SMTN: variants seen among roughly 807,000 people sequenced by gnomAD.
SMTN encodes the protein smoothelin.
A neutral mutation model predicts 102.0 loss-of-function variants in SMTN; 58 were observed. The observed-to-expected ratio is 0.57, with a 90% confidence interval of 0.46 to 0.71. The LOEUF (loss-of-function observed/expected upper bound fraction) is 0.71, where lower values mean the gene tolerates loss of function less well. Ranked by LOEUF, SMTN falls within the 30% of genes least tolerant of loss-of-function variation. SMTN has a pLI of 0.00. For synonymous variants in SMTN, 478 were observed against 497.9 expected, an observed-to-expected ratio of 0.96 and a Z score of 0.53; for missense variants, 1,185 against 1,241.7, an observed-to-expected ratio of 0.95 and a Z score of 0.69.
upstream of SMTN, among the ~76,000 whole-genome samples, chr22:31,077,693 C>T (rs1401604959): frequency 6.6e-6 from 1 of 152,192 alleles, no homozygotes; most frequent in Non-Finnish European, 1.5e-5. Flanking sequence ...CCCCTTGCCT[C>T]TCCTTTGTCT....
At chr22:31,093,865 A>G (rs1187896412) in intron 11 of SMTN, 2 of 1,574,564 alleles carry the variant, frequency 1.3e-6, no homozygotes, top group Non-Finnish European at 1.7e-6. Flanking sequence ...CACCACCCGC[A>G]GCACTAGTCT....
intron 19 of SMTN, among the ~76,000 whole-genome samples, chr22:31,100,121 G>T (rs2043954132): frequency 6.6e-6 from 1 of 150,750 alleles, no homozygotes; most frequent in Admixed American, 6.6e-5. Context: ...CGGCCTACCA[G>T]CCCGGGCCAA....
chr22:31,090,351 GC>G (rs1215415036), intron 8 of SMTN, among the ~76,000 whole-genome samples, 171 bp downstream of exon 8: 1 of 115,110 alleles, frequency 8.7e-6, no homozygotes, highest in East Asian at 2.7e-4. Flanking sequence ...AGCTAGGCCA[GC>G]CTCCCCCTCC....
rs1487957666 is a variant in SMTN, at chr22:31,088,772, T to C, written c.368T>C (p.Ile123Thr). The change falls in exon 5 of 21, where the codon ATT becomes ACT. Residue 123 changes from isoleucine to threonine, a missense_variant. Ile to Thr is a moderately conservative substitution (Grantham distance 89). Around this residue, in one of 2 missense-constraint regions of SMTN, gnomAD observed 1,096 missense variants for 1,112.7 expected, o/e 0.98. Coordinates refer to ENST00000333137, the MANE Select transcript of SMTN (RefSeq NM_134269.3). ...AAIRRVRAQE[I>T]EAATLAGRLY... Reference sequence around the variant, plus strand: ...ATCCGCCGTGTACGGGCTCAGGAGATTGAGGGTATGTGGCCTGTCCCGGCC... The same window carrying C: ...ATCCGCCGTGTACGGGCTCAGGAGACTGAGGGTATGTGGCCTGTCCCGGCC... 6.2e-7 allele frequency: 1 copy of C among 1,612,830 alleles called. No homozygotes were observed. Among genetic ancestry groups the C allele is most frequent in the East Asian group, 2.2e-5 (1 of 44,840 alleles).
Position 31,095,374 on chromosome 22 carries a change from G to A in SMTN, c.1704G>A (p.Val568=), listed in dbSNP as rs1320537210. ...CCAATGGGGCTGAGCAGACCCGAGT[G>A]AACAAAGCACCAGAAGGGCGGAGCC... ...EAANGAEQTR[V]NKAPEGRSPL... The change falls in exon 12 of 21, where the codon GTG becomes GTA. Residue 568 remains valine, a synonymous_variant. Transcript: ENST00000333137. This position sits in a 1 kb window ranked among gnomAD's most constrained non-coding sequence, Gnocchi z 4.1. The A allele has an allele frequency of 3.1e-6, 5 of 1,614,248 alleles. No individual in the cohort carries two copies. Among genetic ancestry groups the A allele is most frequent in the Non-Finnish European group, 3.4e-6 (4 of 1,180,048 alleles).
At position 31,085,191 on chromosome 22, in the gene SMTN, C is replaced by G. The variant is rs997466365; in HGVS notation, c.51+1882C>G. ...GACCTCCGCCACTCAGCTGGGTGTCCTGGGGACCTTGGTTTCTTCCCTTTA... is the reference window on the plus strand; with the variant it reads ...GACCTCCGCCACTCAGCTGGGTGTCGTGGGGACCTTGGTTTCTTCCCTTTA... On this transcript the variant is annotated intron_variant, in intron 2 of 20. Transcript: ENST00000333137. 4 of 1,535,364 alleles carry G rather than the reference C, an allele frequency of 2.6e-6. No individual in the cohort carries two copies. The Admixed American group carries it at 7.8e-5, about 30-fold the overall frequency.
At chr22:31,070,938 A>G (rs996067446) in intron 1 of SMTN, among the ~76,000 whole-genome samples, 3 of 150,528 alleles carry the variant, frequency 2.0e-5, no homozygotes, top group South Asian at 2.1e-4. Context: ...AAAAAAAAAA[A>G]AAAGAAAAGA....
In SMTN at chr22:31,098,737, GAGA is replaced by G. The variant is rs766232614; in HGVS notation, c.2238_2240del (p.Lys747del). ...GGCGGCGCTCGAGAAACGGCAGGCCGAGAAGAAGAAAGAGCTGATGAAGGCGCA... is the reference window on the plus strand; with the variant it reads ...GGCGGCGCTCGAGAAACGGCAGGCCGAGAAGAAAGAGCTGATGAAGGCGCA... On this transcript the variant is annotated inframe_deletion, in exon 17 of 21. Coordinates refer to ENST00000333137, the MANE Select transcript of SMTN (RefSeq NM_134269.3). 20 of 1,613,378 alleles carry G rather than the reference GAGA, an allele frequency of 1.2e-5. 1 individual carries two copies. The highest frequency in any genetic ancestry group is 1.1e-4 in the South Asian group (10 of 91,080).
chr22:31,089,300 A>C (rs564975608), intron 6 of SMTN, among the ~76,000 whole-genome samples: 1 of 152,250 alleles, frequency 6.6e-6, no homozygotes, highest in East Asian at 1.9e-4. Context: ...CAGGTTCCCC[A>C]AGTGGCCAGC....
At position 31,091,187 on chromosome 22, in the gene SMTN, T is replaced by C; in HGVS notation, c.1164T>C (p.Asp388=). 6.2e-7 allele frequency: 1 copy of C among 1,613,352 alleles called. No homozygotes were observed. Among genetic ancestry groups the C allele is most frequent in the Non-Finnish European group, 8.5e-7 (1 of 1,179,736 alleles). The change falls in exon 10 of 21, where the codon GAT becomes GAC. Residue 388 remains aspartate (D), a synonymous_variant. Coordinates refer to ENST00000333137, the MANE Select transcript of SMTN (RefSeq NM_134269.3). The part of the protein sequence containing the change: ...SSGSSSRGPS[D]TSSRFSKEQR... ...GCTCCTCCTCTCGGGGCCCCAGTGA[T>C]ACCTCCTCCCGGTTCAGCAAGGAGC...
Position 31,088,965 on chromosome 22 carries a change from G to T in SMTN, c.467G>T (p.Cys156Phe). 2 of 1,613,260 alleles carry T rather than the reference G, an allele frequency of 1.2e-6. No homozygotes were observed. Among genetic ancestry groups the T allele is most frequent in the Non-Finnish European group, 1.7e-6 (2 of 1,179,684 alleles). ...KGLAAHRLEQ[C>F]EVPEREEQEQ... ...CTAGCGGCACACAGGCTGGAACAGT[G>T]TGAGGTAAGGAGGGTGGGAGAGTGG... The change falls in exon 6 of 21, where the codon TGT becomes TTT. Residue 156 changes from cysteine to phenylalanine, a missense_variant. This residue lies in a region of SMTN where 1,096 missense variants were observed against 1,112.7 expected (regional missense o/e 0.98). Transcript: ENST00000333137.
intron 19 of SMTN, 58 bp from the exon 20 acceptor site, chr22:31,100,827 G>T: frequency 1.8e-6 from 1 of 555,884 alleles, no homozygotes; most frequent in Non-Finnish European, 3.3e-6. Flanking sequence ...TTCCCCACCC[G>T]GGGCCCTGGC....
chr22:31,081,076 T>G (rs2042271995), upstream of SMTN, among the ~76,000 whole-genome samples: 1 of 151,562 alleles, frequency 6.6e-6, no homozygotes, highest in Admixed American at 6.6e-5. Flanking sequence ...GCGCAGAGCC[T>G]GCGTCCCCCT....
In SMTN at chr22:31,100,882, C is replaced by T. The variant is rs1569270098; in HGVS notation, c.2604-3C>T. On this transcript the variant is annotated splice_polypyrimidine_tract_variant and splice_region_variant and intron_variant, in intron 19 of 20. Coordinates refer to ENST00000333137, the MANE Select transcript of SMTN (RefSeq NM_134269.3). ...CCCCTTCCCGGCCCCCTACCCTCCCCAGGACCCATGCGGACTGCCCGCAGC... is the reference window on the plus strand; with the variant it reads ...CCCCTTCCCGGCCCCCTACCCTCCCTAGGACCCATGCGGACTGCCCGCAGC... The T allele has an allele frequency of 6.3e-7, 1 of 1,585,024 alleles. No individual in the cohort carries two copies. The highest frequency in any genetic ancestry group is 8.6e-7 in the Non-Finnish European group (1 of 1,166,030).
chr22:31,089,317 C>A (rs1040998280), intron 6 of SMTN, among the ~76,000 whole-genome samples: 1 of 152,156 alleles, frequency 6.6e-6, no homozygotes, highest in African/African-American at 2.4e-5. Context: ...CAGCAGAGGC[C>A]GCTGGGTCCA....
At chr22:31,088,213 T>G in intron 3 of SMTN, 100 bp downstream of exon 3, 1 of 1,319,504 alleles carries the variant, frequency 7.6e-7, no homozygotes, top group South Asian at 1.5e-5. Flanking sequence ...TATCTGTGGA[T>G]TGCATGTGCT....
Position 31,091,164 on chromosome 22 carries a change from TC to T in SMTN, c.1143del (p.Ser382ProfsTer19). 1 of 1,613,034 alleles carries T rather than the reference TC, an allele frequency of 6.2e-7. No individual in the cohort carries two copies. The highest frequency in any genetic ancestry group is 8.5e-7 in the Non-Finnish European group (1 of 1,179,700). On this transcript the variant is annotated frameshift_variant, in exon 10 of 21. Transcript: ENST00000333137. LOFTEE classifies it high-confidence loss of function. ...CACCCCTGCCTCCTCCTCCAGCGGC[TC>T]CTCCTCTCGGGGCCCCAGTGATACC... is the stretch of plus-strand genomic sequence containing the variant. ...STTPASSSSG[S>X]SSRGPSDTSS...
At chr22:31,081,217 T>A (rs1365313450), upstream of SMTN, 1 of 151,650 alleles carries the variant, frequency 6.6e-6, no homozygotes, top group Non-Finnish European at 1.5e-5. Flanking sequence ...ATTTTCCCAA[T>A]GGGGCACGAG....
chr22:31,085,442 C>T (rs1473820597), intron 2 of SMTN, among the ~76,000 whole-genome samples: 2 of 152,222 alleles, frequency 1.3e-5, no homozygotes, highest in Non-Finnish European at 2.9e-5. Flanking sequence ...GAGCCCCCTC[C>T]GTTGTGCTGT....
Sources: allele counts gnomAD v4.1 joint callset (sites outside exome capture counted in the v4.1 genomes callset), GRCh38; gene constraint gnomAD v4.1.1; regional missense constraint gnomAD v4.1.1; non-coding constraint Gnocchi (gnomAD v3.1); transcripts MANE v1.5; gene names NCBI Gene and HGNC (gene_info 2026-07-23, HGNC 2026-07-21).